RTN4IP1: variants seen among roughly 807,000 people sequenced by gnomAD.
The protein encoded by RTN4IP1 is reticulon 4 interacting protein 1.
A neutral mutation model predicts 46.6 loss-of-function variants in RTN4IP1; 32 were observed. The ratio of observed to expected loss-of-function variants is 0.69; its 90% CI spans 0.52 to 0.92. The LOEUF (loss-of-function observed/expected upper bound fraction) is 0.92. Ranked by LOEUF, RTN4IP1 falls within the 40% of genes least tolerant of loss-of-function variation. RTN4IP1 has a pLI of 0.00. For synonymous variants in RTN4IP1, 167 were observed against 161.8 expected (o/e 1.03, Z -0.24); for missense variants, 424 against 485.8 (o/e 0.87, Z 1.20).
upstream of RTN4IP1, chr6:106,629,654 C>T: frequency 6.3e-7 from 1 of 1,598,740 alleles, no homozygotes; most frequent in Non-Finnish European, 8.5e-7. Flanking sequence ...TGCCTGGCTC[C>T]TGTGGTGGCA....
At chr6:106,625,097 G>A (rs1333174995) in intron 1 of RTN4IP1, among the ~76,000 whole-genome samples, 4 of 151,352 alleles carry the variant, frequency 2.6e-5, no homozygotes, top group South Asian at 2.1e-4. Context: ...CATATACAAC[G>A]TGACTTTTCT....
intron 5 of RTN4IP1, among the ~76,000 whole-genome samples, chr6:106,595,631 G>A (rs1453526623): frequency 6.6e-6 from 1 of 151,682 alleles, no homozygotes; most frequent in Non-Finnish European, 1.5e-5. Context: ...CCGAGTAGCT[G>A]AGATTACAGG....
chr6:106,610,067 A>AT (rs60667504), intron 4 of RTN4IP1, among the ~76,000 whole-genome samples: 52 of 148,992 alleles, frequency 3.5e-4, no homozygotes, highest in Middle Eastern at 3.4e-3. Context: ...GGCAAAATAA[A>AT]TTTTTTTTTT....
At chr6:106,599,933 C>G (rs968552911) in intron 5 of RTN4IP1, among the ~76,000 whole-genome samples, 2 of 151,626 alleles carry the variant, frequency 1.3e-5, no homozygotes, top group African/African-American at 4.8e-5. Flanking sequence ...CTCTAACCAA[C>G]TGTGTATGAT....
At chr6:106,598,165 T>C (rs1775849346) in intron 5 of RTN4IP1, among the ~76,000 whole-genome samples, 1 of 152,150 alleles carries the variant, frequency 6.6e-6, no homozygotes, top group African/African-American at 2.4e-5. Flanking sequence ...TACGTGTGCA[T>C]GTGTCTTTAT....
intron 5 of RTN4IP1, among the ~76,000 whole-genome samples, chr6:106,592,671 C>T (rs1404495290): frequency 1.3e-5 from 2 of 152,154 alleles, no homozygotes; most frequent in African/African-American, 4.8e-5. Flanking sequence ...CGCCTGTAAT[C>T]CCAGCACTTT....
intron 4 of RTN4IP1, among the ~76,000 whole-genome samples, chr6:106,607,539 A>G (rs1239711247): frequency 2.0e-5 from 3 of 152,158 alleles, no homozygotes; most frequent in African/African-American, 4.8e-5. Context: ...CAAAAAAACT[A>G]GTAATCCAAT....
At chr6:106,586,643 G>C (rs1367059606) in intron 7 of RTN4IP1, among the ~76,000 whole-genome samples, 1 of 152,102 alleles carries the variant, frequency 6.6e-6, no homozygotes, top group African/African-American at 2.4e-5. Flanking sequence ...AAAATGATGG[G>C]ATTACAGGCA....
intron 1 of RTN4IP1, among the ~76,000 whole-genome samples, chr6:106,624,807 A>G (rs1262292284): frequency 1.3e-5 from 2 of 151,108 alleles, no homozygotes; most frequent in African/African-American, 4.8e-5. Context: ...ATAGTGGTAC[A>G]TGCCTGTAAT....
intron 8 of RTN4IP1, among the ~76,000 whole-genome samples, chr6:106,579,697 C>T (rs548516775): frequency 4.6e-5 from 7 of 152,016 alleles, no homozygotes; most frequent in East Asian, 3.9e-4. Flanking sequence ...GATATTAACT[C>T]GGTGGCTTCT....
intron 8 of RTN4IP1, among the ~76,000 whole-genome samples, chr6:106,574,939 GA>G (rs764324524): frequency 1.3e-5 from 2 of 152,178 alleles, no homozygotes; most frequent in Non-Finnish European, 2.9e-5. Context: ...ACGGCACAAT[GA>G]GTCATTCAGC....
intron 2 of RTN4IP1, among the ~76,000 whole-genome samples, chr6:106,622,488 C>G (rs1213626557): frequency 6.6e-6 from 1 of 152,110 alleles, no homozygotes; most frequent in South Asian, 2.1e-4. Flanking sequence ...GGGAGTTTAT[C>G]TAAATAGTTT....
At chr6:106,623,537 A>G (rs1026460873) in intron 1 of RTN4IP1, among the ~76,000 whole-genome samples, 3 of 152,228 alleles carry the variant, frequency 2.0e-5, no homozygotes, top group Non-Finnish European at 4.4e-5. Flanking sequence ...TCAACTTAAA[A>G]GTTTTTTAAA....
chr6:106,597,682 ATT>A (rs1214874791), intron 5 of RTN4IP1, among the ~76,000 whole-genome samples: 3 of 139,090 alleles, frequency 2.2e-5, no homozygotes, highest in African/African-American at 5.3e-5. Context: ...TTTTTTCTGC[ATT>A]TTGTTTCTTT....
intron 8 of RTN4IP1, 56 bp downstream of exon 8, chr6:106,583,272 C>T: frequency 5.0e-6 from 7 of 1,413,588 alleles, no homozygotes; most frequent in Non-Finnish European, 7.0e-6. Flanking sequence ...GGCAGGTCTA[C>T]AGGAGGTGCT....
At chr6:106,573,332 C>G (rs778837504) in intron 8 of RTN4IP1, among the ~76,000 whole-genome samples, 1 of 152,204 alleles carries the variant, frequency 6.6e-6, no homozygotes, top group Non-Finnish European at 1.5e-5. Flanking sequence ...ATACATTTTA[C>G]GCTTTCCTTT....
chr6:106,612,114 T>A (rs1205958624), intron 4 of RTN4IP1, among the ~76,000 whole-genome samples: 2 of 151,904 alleles, frequency 1.3e-5, no homozygotes, highest in East Asian at 3.9e-4. Context: ...GGGCAGGGCA[T>A]GGTGGCTCAC....
intron 6 of RTN4IP1, among the ~76,000 whole-genome samples, chr6:106,591,400 C>A (rs971101984): frequency 6.6e-6 from 1 of 152,046 alleles, no homozygotes; most frequent in East Asian, 1.9e-4. Flanking sequence ...AAAGGCTGGG[C>A]GGTGTCAGAT....
chr6:106,601,706 G>C (rs1307998551), intron 5 of RTN4IP1, among the ~76,000 whole-genome samples: 1 of 152,122 alleles, frequency 6.6e-6, no homozygotes, highest in Non-Finnish European at 1.5e-5. Flanking sequence ...CGCCTTCCAG[G>C]TTCAAGCAAT....
Sources: allele counts gnomAD v4.1 joint callset (sites outside exome capture counted in the v4.1 genomes callset), GRCh38; gene constraint gnomAD v4.1.1; transcripts MANE v1.5; gene names NCBI Gene and HGNC (gene_info 2026-07-23, HGNC 2026-07-21).